The following PCDHGA7 variants were observed in gnomAD, a reference collection of about 807,000 sequenced individuals.
PCDHGA7 encodes protocadherin gamma-A7.
PCDHGA7 carries 44 observed loss-of-function variants against 58.3 expected under a neutral mutation model. The observed-to-expected ratio is 0.75, with a 90% CI of 0.59 to 0.97. The LOEUF is 0.97. PCDHGA7 is among the 50% of genes least tolerant of loss of function. The probability of loss-of-function intolerance (pLI) is 0.00; values close to 1 mark genes in which losing one functional copy is unlikely to be tolerated. For missense variants in PCDHGA7, 1,266 were observed against 1,188.7 expected, an observed-to-expected ratio of 1.06 and a Z score of -0.96; for synonymous variants, 516 against 504.2, an observed-to-expected ratio of 1.02 and a Z score of -0.31.
Position 141,423,884 on chromosome 5 carries a change from T to C in PCDHGA7, c.2424+38561T>C, listed in dbSNP as rs1253750785. On this transcript the variant is annotated intron_variant, in intron 1 of 3. Transcript: ENST00000518325. ...TGAAAGTCATTTTTCAATCTTGGCA[T>C]ATTTTCTTTTGATTTCAAAGGGGCC... The C allele has an allele frequency of 6.2e-6, 8 of 1,282,566 alleles. No individual in the cohort carries two copies. In the African/African-American group the frequency reaches 1.2e-4, roughly 20 times the overall value. 79.4% of individuals were successfully genotyped at this position (1,282,566 alleles called of 1,614,324 possible). A position where few individuals can be genotyped will look rare whatever the true frequency, so the allele number is the denominator to read the frequency against.
rs201006002 is a variant in PCDHGA7, at chr5:141,432,497, C to T, written c.2424+47174C>T. 7 of 1,614,062 alleles carry T rather than the reference C, an allele frequency of 4.3e-6. 1 individual carries two copies. In the South Asian group the frequency reaches 6.6e-5, roughly 15 times the overall value. On this transcript the variant is annotated intron_variant, in intron 1 of 3. Transcript: ENST00000518325. This position sits in a 1 kb window ranked among gnomAD's most constrained non-coding sequence, Gnocchi z 6.0. Reference sequence around the variant, plus strand: ...TTCCACTGGCGTGGAGCTGGCTCCCCGCTCCGCAGAGCCCGGCTACCTGGT... The same window carrying T: ...TTCCACTGGCGTGGAGCTGGCTCCCTGCTCCGCAGAGCCCGGCTACCTGGT...
chr5:141,415,752 T>G lies in PCDHGA7; in HGVS notation c.2424+30429T>G, dbSNP rs981275270. ...GATGTTTATTAAGGTTTTTTTTTTT[T>G]TTTTTTTTTTTTTTTTTTTTACTTT... On this transcript the variant is annotated intron_variant, in intron 1 of 3. Transcript: ENST00000518325. 5.6e-5 allele frequency: 77 copies of G among 1,372,446 alleles called. No individual in the cohort carries two copies. In the East Asian group the frequency reaches 6.8e-4, roughly 12 times the overall value. 85.0% of individuals were successfully genotyped at this position (1,372,446 alleles called of 1,614,324 possible).
chr5:141,408,022 G>A (rs915978239), intron 1 of PCDHGA7: 1 of 1,056,122 alleles, frequency 9.5e-7, no homozygotes, highest in Non-Finnish European at 1.3e-6. Context: ...GCCAACAACA[G>A]AAAGAAGAAA....
At chr5:141,418,693 T>C (rs989725231) in intron 1 of PCDHGA7, 1 of 1,613,922 alleles carries the variant, frequency 6.2e-7, no homozygotes, top group South Asian at 1.1e-5. Context: ...CAGAGATCAC[T>C]TATTCCTTCT....
chr5:141,402,867 C>A (rs996572604), intron 1 of PCDHGA7: 7 of 1,443,390 alleles, frequency 4.8e-6, no homozygotes, highest in Non-Finnish European at 6.4e-6. Context: ...AGGAAAAGAT[C>A]ACCATACTTT....
chr5:141,422,656 G>A (rs759548203), intron 1 of PCDHGA7: 3 of 1,609,780 alleles, frequency 1.9e-6, no homozygotes, highest in Non-Finnish European at 1.7e-6. Context: ...CTCAGTGACC[G>A]CCCTCGACCC....
chr5:141,418,389 A>G (rs768078575), intron 1 of PCDHGA7: 1 of 1,613,996 alleles, frequency 6.2e-7, no homozygotes, highest in South Asian at 1.1e-5. Context: ...CCTAACGAGT[A>G]TTTCTCATTG....
At chr5:141,422,709 T>A in intron 1 of PCDHGA7, 1 of 1,603,558 alleles carries the variant, frequency 6.2e-7, no homozygotes, top group Admixed American at 1.7e-5. Flanking sequence ...CTCTGACGGA[T>A]GACACTGTCC....
chr5:141,421,512 G>T, intron 1 of PCDHGA7: 2 of 1,614,094 alleles, frequency 1.2e-6, no homozygotes, highest in Non-Finnish European at 1.7e-6. Context: ...ACCGGGAGGA[G>T]CTCTGTGAGA....
At chr5:141,456,342 G>A (rs1439003615) in intron 1 of PCDHGA7, among the ~76,000 whole-genome samples, 1 of 152,114 alleles carries the variant, frequency 6.6e-6, no homozygotes, top group African/African-American at 2.4e-5. Context: ...AAGGGTCCTC[G>A]GAAGAATGGC....
intron 1 of PCDHGA7, among the ~76,000 whole-genome samples, chr5:141,407,652 A>G (rs2094964200): frequency 6.6e-6 from 1 of 152,020 alleles, no homozygotes; most frequent in Non-Finnish European, 1.5e-5. Flanking sequence ...ATAATGGGGG[A>G]GCGCAGTATA....
intron 1 of PCDHGA7, chr5:141,389,125 C>T: frequency 6.2e-7 from 1 of 1,614,004 alleles, no homozygotes; most frequent in African/African-American, 1.3e-5. Flanking sequence ...GAGCAGAATC[C>T]AGAGTACAAT....
At chr5:141,391,973 G>A (rs1461017619) in intron 1 of PCDHGA7, 2 of 152,056 alleles carry the variant, frequency 1.3e-5, no homozygotes, top group Non-Finnish European at 2.9e-5. Context: ...AAATAAAATA[G>A]CAAAACAATG....
At chr5:141,427,770 C>T (rs775095791) in intron 1 of PCDHGA7, 2 of 1,399,194 alleles carry the variant, frequency 1.4e-6, no homozygotes, top group Non-Finnish European at 2.0e-6. Context: ...TGACTTGGAG[C>T]TGCGGGCACT....
chr5:141,427,693 C>A, intron 1 of PCDHGA7: 2 of 909,726 alleles, frequency 2.2e-6, no homozygotes, highest in East Asian at 2.5e-5. Context: ...GCCTCCATCC[C>A]ACAAGTCAGC....
At position 141,511,256 on chromosome 5, in the gene PCDHGA7, T is replaced by C. The variant is rs1003866304; in HGVS notation, c.*83T>C. On this transcript the variant is annotated 3_prime_UTR_variant, in exon 4 of 4. Transcript: ENST00000518325. ...CTTACCTGCACCCAGGCCTCAGAGT[T>C]TCAGGGCTAACCCCCAGAATACTGG... The C allele has an allele frequency of 1.9e-6, 3 of 1,563,388 alleles. No homozygotes were observed. The highest frequency in any genetic ancestry group is 2.7e-5 in the African/African-American group (2 of 73,508).
At chr5:141,404,782 G>A in intron 1 of PCDHGA7, 1 of 1,613,964 alleles carries the variant, frequency 6.2e-7, no homozygotes. Context: ...GCCTATTCAA[G>A]GCCAGTGAGC....
intron 1 of PCDHGA7, chr5:141,411,535 G>C (rs945278706): frequency 6.6e-6 from 1 of 152,274 alleles, no homozygotes; most frequent in Non-Finnish European, 1.5e-5. Context: ...AGTGAGCCCT[G>C]ATCTTGCCAC....
At chr5:141,421,325 G>T in intron 1 of PCDHGA7, 1 of 1,613,906 alleles carries the variant, frequency 6.2e-7, no homozygotes, top group Non-Finnish European at 8.5e-7. Flanking sequence ...AGGCAGATCC[G>T]ATATTCGGTG....
Sources: gnomAD v4.1 joint callset for allele counts (sites outside exome capture counted in the v4.1 genomes callset) on GRCh38, gnomAD v4.1.1 for gene constraint, Gnocchi (gnomAD v3.1) non-coding constraint, MANE v1.5 for transcripts, NCBI Gene and HGNC (gene_info 2026-07-23, HGNC 2026-07-21) for gene names.